The following BRWD1 variants were observed in gnomAD, a reference collection of about 807,000 sequenced individuals.
BRWD1 encodes bromodomain and WD repeat domain containing 1, also known as bromodomain and WD repeat-containing protein 1.
A neutral mutation model predicts 251.2 loss-of-function variants in BRWD1; 82 were observed. The ratio of observed to expected loss-of-function variants is 0.33; its 90% CI spans 0.27 to 0.39. The LOEUF (loss-of-function observed/expected upper bound fraction) is 0.39. Ranked by LOEUF, BRWD1 falls within the 10% of genes least tolerant of loss-of-function variation. The pLI, the probability that BRWD1 is intolerant of heterozygous loss-of-function variation, is 1.00. For synonymous variants in BRWD1, 918 were observed against 902.8 expected, an observed-to-expected ratio of 1.02 and a Z score of -0.30; for missense variants, 2,233 against 2,711.6, an observed-to-expected ratio of 0.82 and a Z score of 3.92.
Position 39,235,743 on chromosome 21 carries a change from C to T in BRWD1, c.2766+852G>A, listed in dbSNP as rs1568898743. 7.2e-5 allele frequency: 13 copies of T among 180,466 alleles called. No individual in the cohort carries two copies. In the South Asian group the frequency reaches 8.7e-4, roughly 12 times the overall value. 11.2% of individuals were successfully genotyped at this position (180,466 alleles called of 1,614,324 possible). Reference sequence around the variant, plus strand: ...TTTACAAAACTCTAATGCTACTTTTCGATCTATGACAGTCACATGAGCACC... The same window carrying T: ...TTTACAAAACTCTAATGCTACTTTTTGATCTATGACAGTCACATGAGCACC... On this transcript the variant is annotated intron_variant, in intron 23 of 40. Transcript: ENST00000342449.
At chr21:39,262,332 G>A (rs1242603727) in intron 17 of BRWD1, among the ~76,000 whole-genome samples, 1 of 152,182 alleles carries the variant, frequency 6.6e-6, no homozygotes, top group Non-Finnish European at 1.5e-5. Context: ...ATCAGCCCCA[G>A]TGAATAAACA....
At position 39,313,589 on chromosome 21, in the gene BRWD1, GCGCCGCCGCCGC is replaced by G. The variant is rs75090981; in HGVS notation, c.-110_-99del. The stretch of plus-strand genomic sequence containing the variant: ...GCTGGCGTCCCCTCTTCTCAGGCGC[GCGCCGCCGCCGC>G]CGCCGCCGCCGCCATACCGTGCGCG... On this transcript the variant is annotated 5_prime_UTR_variant, in exon 1 of 41. Coordinates refer to ENST00000342449, the MANE Select transcript of BRWD1 (RefSeq NM_033656.4). The G allele has an allele frequency of 1.4e-3, 914 of 650,398 alleles. 7 individuals carry two copies. Among genetic ancestry groups the G allele is most frequent in the African/African-American group, 0.01 (524 of 51,354 alleles). The allele number at this position is 650,398 out of a possible 1,614,324, so 40.3% of individuals were successfully genotyped here.
chr21:39,264,709 T>C (rs1229020874), intron 16 of BRWD1, 24 bp from the exon 17 acceptor site: 3 of 1,556,610 alleles, frequency 1.9e-6, no homozygotes, highest in Non-Finnish European at 2.6e-6. Context: ...GTTCACAGGA[T>C]GACATTTTAA....
rs752618505 is a variant in BRWD1, at chr21:39,228,588, C to T, written c.3126-6G>A. On this transcript the variant is annotated splice_polypyrimidine_tract_variant and splice_region_variant and intron_variant, in intron 26 of 40. Transcript: ENST00000342449. ...CATCTGGCATATCATGATATCTAGA[C>T]AAAAATTTAAAAAATTGTTAAACTC... The T allele has an allele frequency of 2.5e-6, 4 of 1,592,494 alleles. No individual in the cohort carries two copies. In the South Asian group the frequency reaches 3.3e-5, roughly 13 times the overall value.
chr21:39,229,530 T>C, intron 25 of BRWD1, 94 bp from the exon 26 acceptor site: 1 of 1,256,896 alleles, frequency 8.0e-7, no homozygotes, highest in Non-Finnish European at 1.1e-6. Context: ...ACTCATAATT[T>C]AGGCTTCCAA....
chr21:39,198,506 A>T (rs2031935766), intron 40 of BRWD1, among the ~76,000 whole-genome samples: 1 of 152,172 alleles, frequency 6.6e-6, no homozygotes, highest in Non-Finnish European at 1.5e-5. Context: ...CAAGAAGTGA[A>T]ATCTTCAATA....
chr21:39,313,597 G>GGA lies in BRWD1; in HGVS notation c.-107_-106insTC. 2.4e-6 allele frequency: 2 copies of GGA among 838,244 alleles called. No homozygotes were observed. The highest frequency in any genetic ancestry group is 3.1e-6 in the Non-Finnish European group (2 of 637,292). The allele number at this position is 838,244 out of a possible 1,614,324, so 51.9% of individuals were successfully genotyped here. ...CCCCTCTTCTCAGGCGCGCGCCGCCGCCGCCGCCGCCGCCGCCATACCGTG... is the reference window on the plus strand; with the variant it reads ...CCCCTCTTCTCAGGCGCGCGCCGCCGGACCGCCGCCGCCGCCGCCATACCGTG... On this transcript the variant is annotated 5_prime_UTR_variant, in exon 1 of 41. The change abolishes the stop of an existing upstream ORF in the 5' untranslated region. Transcript: ENST00000342449.
chr21:39,252,432 A>T (rs2034426584), intron 19 of BRWD1, among the ~76,000 whole-genome samples: 1 of 152,162 alleles, frequency 6.6e-6, no homozygotes, highest in Non-Finnish European at 1.5e-5. Context: ...CCAATTTTTC[A>T]CATTGGACAC....
chr21:39,281,946 A>G (rs1424322660), intron 8 of BRWD1, among the ~76,000 whole-genome samples: 1 of 151,476 alleles, frequency 6.6e-6, no homozygotes, highest in East Asian at 1.9e-4. Flanking sequence ...ACATGTGTAT[A>G]TATGTAGACA....
intron 9 of BRWD1, 139 bp downstream of exon 9, chr21:39,280,009 G>A: frequency 3.4e-6 from 2 of 583,618 alleles, no homozygotes; most frequent in Non-Finnish European, 5.9e-6. Context: ...CACATATGCT[G>A]TATATAATAA....
chr21:39,233,045 A>T (rs1395752201), intron 23 of BRWD1, among the ~76,000 whole-genome samples: 1 of 152,186 alleles, frequency 6.6e-6, no homozygotes, highest in Non-Finnish European at 1.5e-5. Context: ...ACTAGGTCAT[A>T]AATGGGGGCT....
Position 39,282,497 on chromosome 21 carries a change from TTTG to T in BRWD1, c.832-2252_832-2250del, listed in dbSNP as rs932410191. 3.3e-4 allele frequency among the ~76,000 whole-genome samples: 51 copies of T among 152,340 alleles called. 1 individual carries two copies. Among genetic ancestry groups the T allele is most frequent in the African/African-American group, 1.2e-3 (49 of 41,584 alleles). Reference sequence around the variant, plus strand: ...AAAGTTATATTAGTAGTTGGATATTTTTGTTAATTAAAATTGAAGATTCTTTTA... The same window carrying T: ...AAAGTTATATTAGTAGTTGGATATTTTTAATTAAAATTGAAGATTCTTTTA... On this transcript the variant is annotated intron_variant, in intron 8 of 40. Transcript: ENST00000342449.
intron 4 of BRWD1, among the ~76,000 whole-genome samples, chr21:39,305,666 C>T (rs925983386): frequency 6.6e-5 from 10 of 152,068 alleles, no homozygotes; most frequent in African/African-American, 1.9e-4. Context: ...AGATAGAGAC[C>T]ATCCTGGCCA....
chr21:39,278,781 C>G lies in BRWD1; in HGVS notation c.965G>C (p.Arg322Thr), dbSNP rs2035358127. 6.3e-7 allele frequency: 1 copy of G among 1,595,846 alleles called. No individual in the cohort carries two copies. Among genetic ancestry groups the G allele is most frequent in the Non-Finnish European group, 8.5e-7 (1 of 1,173,222 alleles). ...AGAACAAAGCATTTGAACGCCTGGC[C>G]TAGGCTTTTCAGTGAACTTCAGGGG... ...PRPLKFTEKP[R>T]PGVQMLCSSF... The change falls in exon 10 of 41, where the codon AGG becomes ACG. Residue 322 changes from arginine (R) to threonine (T), a missense_variant. Transcript: ENST00000342449.
intron 12 of BRWD1, 34 bp from the exon 13 acceptor site, chr21:39,274,506 C>A: frequency 6.7e-7 from 1 of 1,503,356 alleles, no homozygotes; most frequent in South Asian, 1.1e-5. Flanking sequence ...TTACTATATT[C>A]ACACACTTTC....
intron 37 of BRWD1, 133 bp from the exon 38 acceptor site, chr21:39,202,678 ATTC>A: frequency 1.6e-6 from 1 of 626,370 alleles, no homozygotes; most frequent in South Asian, 2.3e-5. Context: ...ACATTAAAAT[ATTC>A]ACTATTAACA....
At chr21:39,281,013 G>T (rs375436832) in intron 8 of BRWD1, among the ~76,000 whole-genome samples, 12 of 152,216 alleles carry the variant, frequency 7.9e-5, no homozygotes, top group East Asian at 7.7e-4. Flanking sequence ...GAAAATGCAA[G>T]GAAAACAAAC....
Position 39,238,458 on chromosome 21 carries a change from CACA to C in BRWD1, c.2576+18_2576+20del. 3 of 1,584,590 alleles carry C rather than the reference CACA, an allele frequency of 1.9e-6. No homozygotes were observed. Among genetic ancestry groups the C allele is most frequent in the African/African-American group, 2.7e-5 (2 of 74,356 alleles). Reference sequence around the variant, plus strand: ...ACTATGACTAAAATGCTTAAAAGACCACAACAATAAAAACAGATACCTTGAACT... The same window carrying C: ...ACTATGACTAAAATGCTTAAAAGACCACAATAAAAACAGATACCTTGAACT... On this transcript the variant is annotated intron_variant, in intron 22 of 40. Transcript: ENST00000342449.
In BRWD1 at chr21:39,189,596, C is replaced by G; in HGVS notation, c.*6663G>C. 1 of 983,276 alleles carries G rather than the reference C, an allele frequency of 1.0e-6. No individual in the cohort carries two copies. The highest frequency in any genetic ancestry group is 1.2e-6 in the Non-Finnish European group (1 of 828,078). The allele number at this position is 983,276 out of a possible 1,614,324, so 60.9% of individuals were successfully genotyped here. ...TACACTGTACTCTAACTTGATAAAG[C>G]TGAATCTCTTAAGTCTTAGACAATA... is the stretch of plus-strand genomic sequence containing the variant. On this transcript the variant is annotated 3_prime_UTR_variant, in exon 41 of 41. Coordinates refer to ENST00000342449, the MANE Select transcript of BRWD1 (RefSeq NM_033656.4).
Sources: allele counts gnomAD v4.1 joint callset (sites outside exome capture counted in the v4.1 genomes callset), GRCh38; gene constraint gnomAD v4.1.1; transcripts MANE v1.5; gene names NCBI Gene and HGNC (gene_info 2026-07-23, HGNC 2026-07-21).